The following ECSIT variants were observed in gnomAD, a reference collection of about 807,000 sequenced individuals.
ECSIT encodes ECSIT signaling integrator, also known as evolutionarily conserved signaling intermediate in Toll pathway, mitochondrial.
Under a neutral mutation model 36.8 loss-of-function variants are expected in ECSIT, and 29 were observed. The observed-to-expected ratio is 0.79, with a 90% CI of 0.59 to 1.08. The LOEUF is 1.08. ECSIT is among the 50% of genes least tolerant of loss of function. The pLI is 0.00. For synonymous variants in ECSIT, 231 were observed against 234.8 expected (o/e 0.98, Z 0.15); for missense variants, 542 against 581.0 (o/e 0.93, Z 0.69).
intron 3 of ECSIT, 30 bp from the exon 4 acceptor site, chr19:11,513,309 A>C: frequency 1.1e-5 from 17 of 1,579,350 alleles, no homozygotes; most frequent in Middle Eastern, 1.7e-4. Context: ...GCAGAACCTC[A>C]GAGATGGAGG....
rs1456277733 is a variant in ECSIT, at chr19:11,507,719, G to T, written c.928C>A (p.Leu310Met). The T allele has an allele frequency of 5.0e-6, 8 of 1,614,028 alleles. No individual in the cohort carries two copies. The highest frequency in any genetic ancestry group is 5.9e-6 in the Non-Finnish European group (7 of 1,180,052). Residue 310 changes from leucine to methionine, a missense_variant, in exon 6 of 8, where the codon CTG becomes ATG. Coordinates refer to ENST00000270517, the MANE Select transcript of ECSIT (RefSeq NM_016581.5). The stretch of plus-strand genomic sequence containing the variant: ...GCCCTCACCCTCTCCTCCGGGGGCA[G>T]CAAGTCAGCTCTGAGGATGTGGTAA... Reference protein sequence around the residue: ...VYYHILRADLLPPEEREVEET... With the variant: ...VYYHILRADLMPPEEREVEET...
chr19:11,512,214 G>A (rs990291818), intron 4 of ECSIT, among the ~76,000 whole-genome samples: 1 of 151,996 alleles, frequency 6.6e-6, no homozygotes, highest in African/African-American at 2.4e-5. Context: ...GCGTGGTGGT[G>A]TACGACTGTA....
chr19:11,512,606 T>C (rs779002324), intron 4 of ECSIT, among the ~76,000 whole-genome samples: 1 of 151,976 alleles, frequency 6.6e-6, no homozygotes, highest in Non-Finnish European at 1.5e-5. Flanking sequence ...GTAAGGACCA[T>C]GGGAACCTAC....
In ECSIT at chr19:11,514,007, C is replaced by T. The variant is rs573827340; in HGVS notation, c.311G>A (p.Arg104Gln). ...QKFAEHSVRK[R>Q]GHIDFIYLAL... ...CAGGTAGATGAAGTCAATGTGGCCC[C>T]GCTTACGCACGCTGTGCTCCGCAAA... The change falls in exon 3 of 8, where the codon CGG becomes CAG. Residue 104 changes from arginine to glutamine, a missense_variant. Coordinates refer to ENST00000270517, the MANE Select transcript of ECSIT (RefSeq NM_016581.5). The T allele has an allele frequency of 1.5e-5, 25 of 1,614,202 alleles. No individual in the cohort carries two copies. In the Middle Eastern group the frequency reaches 4.9e-4, roughly 32 times the overall value.
intron 2 of ECSIT, among the ~76,000 whole-genome samples, chr19:11,518,627 G>T (rs997260942): frequency 2.0e-5 from 3 of 151,984 alleles, no homozygotes. Context: ...GCCAGGCGCG[G>T]TGGCTCACGC....
At chr19:11,510,545 A>AAAGAG (rs1555739278) in intron 4 of ECSIT, 1 of 150,068 alleles carries the variant, frequency 6.7e-6, no homozygotes, top group African/African-American at 2.5e-5. Flanking sequence ...CAAAAAAAAA[A>AAAGAG]AGAGAGAGAG....
At chr19:11,522,354 G>A in intron 1 of ECSIT, 3 of 782,676 alleles carry the variant, frequency 3.8e-6, no homozygotes, top group Admixed American at 1.9e-5. Context: ...TCATGAAGAT[G>A]GAGGAGATAG....
rs200304188 is a variant in ECSIT, at chr19:11,515,455, CTTTCT to C, written c.97-1239_97-1235del. Reference sequence around the variant, plus strand: ...CATGAGCCACTGTACCCAGCCCCTTCTTTCTTTTTCTTTTTTTCTTGAGACAGAGT... The same window carrying C: ...CATGAGCCACTGTACCCAGCCCCTTCTTTTCTTTTTTTCTTGAGACAGAGT... On this transcript the variant is annotated intron_variant, in intron 2 of 7. Coordinates refer to ENST00000270517, the MANE Select transcript of ECSIT (RefSeq NM_016581.5). Among the ~76,000 whole-genome samples the C allele has an allele frequency of 0.013, 2,018 of 151,772 alleles. 122 individuals carry two copies. The East Asian group carries it at 0.19, about 14-fold the overall frequency.
intron 4 of ECSIT, among the ~76,000 whole-genome samples, chr19:11,510,019 A>G (rs1335628985): frequency 6.6e-6 from 1 of 151,716 alleles, no homozygotes; most frequent in Non-Finnish European, 1.5e-5. Flanking sequence ...ACAGGCATGC[A>G]CCACCATGCC....
chr19:11,515,293 C>T lies in ECSIT; in HGVS notation c.97-1072G>A, dbSNP rs113059802. On this transcript the variant is annotated intron_variant, in intron 2 of 7. Coordinates refer to ENST00000270517, the MANE Select transcript of ECSIT (RefSeq NM_016581.5). ...TAATTTTTTGGATTTTTAGTAGAGA[C>T]GGGGTTTCACTGTGTTAGTCAGGAT... 4.5e-3 allele frequency among the ~76,000 whole-genome samples: 666 copies of T among 148,878 alleles called. 2 individuals carry two copies. Among genetic ancestry groups the T allele is most frequent in the Non-Finnish European group, 5.7e-3 (386 of 67,188 alleles).
rs879302971 is a variant in ECSIT at position 11,518,125 on chromosome 19, T to TAA, written c.96+948_96+949dup. Among the ~76,000 whole-genome samples the TAA allele has an allele frequency of 2.9e-5, 4 of 136,954 alleles. No homozygotes were observed. The East Asian group carries it at 7.2e-4, about 25-fold the overall frequency. The allele number at this position is 136,954 out of a possible 152,430, so 89.8% of individuals were successfully genotyped here. The stretch of plus-strand genomic sequence containing the variant: ...GGGCAACACAACAAGACCATATACT[T>TAA]AAAAAAAAAAAAAATTAGCGGCCGG... On this transcript the variant is annotated intron_variant, in intron 2 of 7. Coordinates refer to ENST00000270517, the MANE Select transcript of ECSIT (RefSeq NM_016581.5).
Position 11,507,790 on chromosome 19 carries a change from AAGAC to A in ECSIT, c.853_856del (p.Val285LeufsTer52), listed in dbSNP as rs1480271946. On this transcript the variant is annotated frameshift_variant, in exon 6 of 8. Transcript: ENST00000270517. LOFTEE classifies it high-confidence loss of function. ...CCACAGGGAGAAGGGGCCCTCAACA[AAGAC>A]AGGCCGGGCTGGATTGTGGCGGGCC... 6.2e-7 allele frequency: 1 copy of A among 1,613,978 alleles called. No homozygotes were observed. Among genetic ancestry groups the A allele is most frequent in the Non-Finnish European group, 8.5e-7 (1 of 1,180,050 alleles).
intron 7 of ECSIT, 98 bp from the exon 8 acceptor site, chr19:11,506,526 TTCC>T (rs1177064398): frequency 4.6e-6 from 5 of 1,090,242 alleles, no homozygotes; most frequent in Non-Finnish European, 6.1e-6. Context: ...TCCCTTCCAC[TTCC>T]TTTTTTTTTT....
intron 2 of ECSIT, among the ~76,000 whole-genome samples, 195 bp downstream of exon 2, chr19:11,518,880 C>CA (rs1482448489): frequency 1.3e-5 from 2 of 152,158 alleles, no homozygotes; most frequent in Admixed American, 6.6e-5. Context: ...GCCTTGGTGA[C>CA]AGAGACACTG....
intron 1 of ECSIT, among the ~76,000 whole-genome samples, chr19:11,520,374 G>A (rs1174915209): frequency 2.0e-5 from 3 of 151,934 alleles, no homozygotes; most frequent in South Asian, 2.1e-4. Context: ...GTTTTATCAC[G>A]TTGGCCAGGC....
chr19:11,516,653 TAA>T (rs1450616295), intron 2 of ECSIT, among the ~76,000 whole-genome samples: 1 of 150,084 alleles, frequency 6.7e-6, no homozygotes, highest in Non-Finnish European at 1.5e-5. Flanking sequence ...ACCTTATCTC[TAA>T]AAAATAAATG....
At chr19:11,527,275 T>C (rs2145008237) in intron 1 of ECSIT, among the ~76,000 whole-genome samples, 1 of 152,248 alleles carries the variant, frequency 6.6e-6, no homozygotes, top group East Asian at 1.9e-4. Flanking sequence ...TGAGCCAAGA[T>C]TGTGCCACTG....
At chr19:11,508,754 A>G (rs891268155) in intron 4 of ECSIT, among the ~76,000 whole-genome samples, 2 of 151,968 alleles carry the variant, frequency 1.3e-5, no homozygotes, top group African/African-American at 4.8e-5. Flanking sequence ...GGGTTTTGCT[A>G]TGTTGGCCTG....
At position 11,525,009 on chromosome 19, in the gene ECSIT, C is replaced by T. The variant is rs141801835; in HGVS notation, c.-24+4053G>A. On this transcript the variant is annotated intron_variant, in intron 1 of 7. Coordinates refer to ENST00000270517, the MANE Select transcript of ECSIT (RefSeq NM_016581.5). ...AAAATTAGCGGGACAGGGTGGCGGG[C>T]GCCTATAATCCCAGCTACTAGGGAG... Among the ~76,000 whole-genome samples, 329 of 151,954 alleles carry T rather than the reference C, an allele frequency of 2.2e-3. 1 individual carries two copies. Among genetic ancestry groups the T allele is most frequent in the African/African-American group, 7.4e-3 (306 of 41,430 alleles).
Sources: allele counts gnomAD v4.1 joint callset (sites outside exome capture counted in the v4.1 genomes callset), GRCh38; gene constraint gnomAD v4.1.1; transcripts MANE v1.5; gene names NCBI Gene and HGNC (gene_info 2026-07-23, HGNC 2026-07-21).